PPP1R16B: variants seen among roughly 807,000 people sequenced by gnomAD.
PPP1R16B encodes protein phosphatase 1 regulatory inhibitor subunit 16B.
Under a neutral mutation model 61.7 loss-of-function variants are expected in PPP1R16B, and 14 were observed. That is an observed-to-expected ratio of 0.23 (90% CI 0.15 to 0.35). The LOEUF is 0.35. PPP1R16B is among the 10% of genes least tolerant of loss of function. PPP1R16B has a pLI of 1.00. For synonymous variants in PPP1R16B, 266 were observed against 305.3 expected, an observed-to-expected ratio of 0.87 and a Z score of 1.34; for missense variants, 547 against 752.5, an observed-to-expected ratio of 0.73 and a Z score of 3.19.
chr20:38,910,492 T>A (rs1041013834), intron 10 of PPP1R16B, among the ~76,000 whole-genome samples: 1 of 152,100 alleles, frequency 6.6e-6, no homozygotes, highest in Non-Finnish European at 1.5e-5. Context: ...TTTTTTTACA[T>A]CTGTGAGAGT....
At chr20:38,841,952 A>G (rs2084911603) in intron 2 of PPP1R16B, among the ~76,000 whole-genome samples, 1 of 152,206 alleles carries the variant, frequency 6.6e-6, no homozygotes, top group Non-Finnish European at 1.5e-5. Flanking sequence ...ATTACCTAGG[A>G]ATAGAATTGT....
intron 2 of PPP1R16B, among the ~76,000 whole-genome samples, chr20:38,884,958 G>C (rs1440976254): frequency 7.0e-6 from 1 of 143,484 alleles, no homozygotes; most frequent in Non-Finnish European, 1.5e-5. Flanking sequence ...GTAGTCCCAG[G>C]TACTTGGGAG....
chr20:38,884,500 AG>A (rs1306389455), intron 2 of PPP1R16B, among the ~76,000 whole-genome samples: 2 of 152,184 alleles, frequency 1.3e-5, no homozygotes, highest in East Asian at 1.9e-4. Context: ...AAGCAGTCAT[AG>A]GTGATATGTA....
chr20:38,877,164 G>A (rs1324269840), intron 2 of PPP1R16B, among the ~76,000 whole-genome samples: 3 of 152,144 alleles, frequency 2.0e-5, no homozygotes, highest in African/African-American at 7.2e-5. Flanking sequence ...TTGCTTCCAG[G>A]ATTTCTCACT....
intron 4 of PPP1R16B, among the ~76,000 whole-genome samples, chr20:38,897,865 C>A (rs1245878908): frequency 6.6e-6 from 1 of 152,224 alleles, no homozygotes; most frequent in Non-Finnish European, 1.5e-5. Context: ...CGTTGAGCAT[C>A]TTTTCATGTG....
chr20:38,817,338 G>A (rs530379169), intron 1 of PPP1R16B, among the ~76,000 whole-genome samples: 1 of 152,182 alleles, frequency 6.6e-6, no homozygotes, highest in South Asian at 2.1e-4. Flanking sequence ...CAAGCTGGGC[G>A]GATCACCTTA....
chr20:38,858,248 A>G (rs201785434), intron 2 of PPP1R16B, among the ~76,000 whole-genome samples: 1 of 152,064 alleles, frequency 6.6e-6, no homozygotes, highest in East Asian at 1.9e-4. Flanking sequence ...TGTAGTCTAT[A>G]GCAGGCACTT....
intron 2 of PPP1R16B, among the ~76,000 whole-genome samples, chr20:38,855,389 G>A (rs1355733414): frequency 1.3e-5 from 2 of 150,658 alleles, no homozygotes; most frequent in East Asian, 1.9e-4. Flanking sequence ...AGGATACTTC[G>A]CAAAACTTCC....
intron 2 of PPP1R16B, among the ~76,000 whole-genome samples, chr20:38,859,256 T>C (rs73114218): frequency 0.053 from 7,840 of 148,656 alleles, 260 homozygotes; most frequent in Middle Eastern, 0.16. Flanking sequence ...CTTCAGCCTG[T>C]GGGTGGGGAA....
intron 10 of PPP1R16B, among the ~76,000 whole-genome samples, chr20:38,915,256 C>G (rs1040378578): frequency 1.3e-5 from 2 of 152,102 alleles, no homozygotes; most frequent in African/African-American, 2.4e-5. Flanking sequence ...ATGATAGTGT[C>G]ACACAGAATG....
intron 1 of PPP1R16B, among the ~76,000 whole-genome samples, chr20:38,812,829 A>G (rs1383300822): frequency 2.0e-5 from 3 of 152,154 alleles, no homozygotes; most frequent in African/African-American, 4.8e-5. Flanking sequence ...AGATGTGCCC[A>G]TTGGTTAGAA....
chr20:38,831,507 A>T (rs996746935), intron 1 of PPP1R16B, among the ~76,000 whole-genome samples: 8 of 152,238 alleles, frequency 5.3e-5, no homozygotes, highest in African/African-American at 1.9e-4. Context: ...TGCCTAAGAC[A>T]GAGCTTGCAA....
At chr20:38,865,940 A>G (rs1601271640) in intron 2 of PPP1R16B, among the ~76,000 whole-genome samples, 1 of 152,002 alleles carries the variant, frequency 6.6e-6, no homozygotes, top group East Asian at 2.0e-4. Flanking sequence ...CCTGGCCAAC[A>G]TGGTGAAACC....
At chr20:38,831,529 A>G (rs1050960740) in intron 1 of PPP1R16B, among the ~76,000 whole-genome samples, 1 of 152,230 alleles carries the variant, frequency 6.6e-6, no homozygotes, top group African/African-American at 2.4e-5. Context: ...CTCAAATGAC[A>G]TTGGAGCTGG....
intron 1 of PPP1R16B, among the ~76,000 whole-genome samples, chr20:38,823,590 G>T (rs989426069): frequency 6.6e-6 from 1 of 151,824 alleles, no homozygotes; most frequent in Non-Finnish European, 1.5e-5. Flanking sequence ...GCAGTGAGCC[G>T]AGATAGTGCC....
chr20:38,913,285 A>C (rs1482494443), intron 10 of PPP1R16B, among the ~76,000 whole-genome samples: 2 of 151,016 alleles, frequency 1.3e-5, no homozygotes, highest in Non-Finnish European at 3.0e-5. Flanking sequence ...TTTTTTTTAG[A>C]TGGAATCTTG....
chr20:38,831,770 A>C (rs1041740968), intron 1 of PPP1R16B, among the ~76,000 whole-genome samples: 4 of 152,266 alleles, frequency 2.6e-5, no homozygotes, highest in Non-Finnish European at 5.9e-5. Flanking sequence ...CAATGAATTA[A>C]AATATTTTAA....
Position 38,835,885 on chromosome 20 carries a change from C to T in PPP1R16B, c.-41C>T. Reference sequence around the variant, plus strand: ...CGCGCTGCCCTGGCCCCCGGTGCACCGTGCTAGCCCCCAGCCAGGGCGTTG... The same window carrying T: ...CGCGCTGCCCTGGCCCCCGGTGCACTGTGCTAGCCCCCAGCCAGGGCGTTG... On this transcript the variant is annotated 5_prime_UTR_variant, in exon 2 of 11. Transcript: ENST00000299824. The T allele has an allele frequency of 2.7e-6, 4 of 1,491,774 alleles. No individual in the cohort carries two copies. The highest frequency in any genetic ancestry group is 3.6e-6 in the Non-Finnish European group (4 of 1,122,330). The allele number at this position is 1,491,774 out of a possible 1,614,324, so 92.4% of individuals were successfully genotyped here.
intron 2 of PPP1R16B, among the ~76,000 whole-genome samples, chr20:38,838,860 A>T (rs1295007173): frequency 1.3e-5 from 2 of 152,200 alleles, no homozygotes; most frequent in Admixed American, 1.3e-4. Flanking sequence ...TGGAGGGATC[A>T]GTGCCCCGCA....
Sources: gnomAD v4.1 joint callset for allele counts (sites outside exome capture counted in the v4.1 genomes callset) on GRCh38, gnomAD v4.1.1 for gene constraint, MANE v1.5 for transcripts, NCBI Gene and HGNC (gene_info 2026-07-23, HGNC 2026-07-21) for gene names.